The following ROBO2 variants were observed in gnomAD, a reference collection of about 807,000 sequenced individuals.
ROBO2 encodes the protein roundabout guidance receptor 2, also known as roundabout homolog 2.
ROBO2 carries 53 observed loss-of-function variants against 160.8 expected under a neutral mutation model. The observed-to-expected ratio is 0.33, with a 90% CI of 0.26 to 0.41. The LOEUF is 0.41. Ranked by LOEUF, ROBO2 falls within the 10% of genes least tolerant of loss-of-function variation. The pLI is 1.00. For missense variants in ROBO2, 1,577 were observed against 1,722.4 expected, an observed-to-expected ratio of 0.92 and a Z score of 1.49; for synonymous variants, 664 against 611.7, an observed-to-expected ratio of 1.09 and a Z score of -1.26.
At chr3:77,427,071 G>A (rs990917325) in intron 2 of ROBO2, among the ~76,000 whole-genome samples, 1 of 152,162 alleles carries the variant, frequency 6.6e-6, no homozygotes, top group East Asian at 1.9e-4. Context: ...TGGAAGGTGT[G>A]CCAGATTCCT....
intron 2 of ROBO2, among the ~76,000 whole-genome samples, chr3:76,842,760 A>G (rs2068409014): frequency 6.6e-6 from 1 of 152,168 alleles, no homozygotes; most frequent in Admixed American, 6.5e-5. Context: ...GAGTACTAAT[A>G]TTTTAAGATA....
intron 2 of ROBO2, among the ~76,000 whole-genome samples, chr3:75,981,228 A>C (rs1328936597): frequency 1.3e-5 from 2 of 151,534 alleles, no homozygotes; most frequent in Non-Finnish European, 3.0e-5. Flanking sequence ...AAATAATTAC[A>C]CAACCTTATA....
chr3:76,322,658 G>A (rs926875825), intron 2 of ROBO2, among the ~76,000 whole-genome samples: 16 of 152,056 alleles, frequency 1.1e-4, no homozygotes, highest in African/African-American at 2.4e-4. Flanking sequence ...AAGAAGCGGC[G>A]AAGTTACCGG....
intron 2 of ROBO2, among the ~76,000 whole-genome samples, chr3:77,293,658 A>G (rs62251165): frequency 0.069 from 6,518 of 95,116 alleles, 79 homozygotes; most frequent in African/African-American, 0.099. Context: ...GATCACCCAG[A>G]CATAAAGTAA....
At chr3:77,514,279 T>C (rs376194378) in intron 5 of ROBO2, among the ~76,000 whole-genome samples, 26 of 151,896 alleles carry the variant, frequency 1.7e-4, no homozygotes, top group Middle Eastern at 6.8e-3. Context: ...GATTGTTTAA[T>C]AGGAGAATAA....
At chr3:76,582,704 A>G (rs1444896733) in intron 2 of ROBO2, among the ~76,000 whole-genome samples, 1 of 152,174 alleles carries the variant, frequency 6.6e-6, no homozygotes, top group Non-Finnish European at 1.5e-5. Context: ...TTTTCTGCTT[A>G]TAATAATAGT....
intron 2 of ROBO2, among the ~76,000 whole-genome samples, chr3:77,189,354 A>C (rs2081596325): frequency 6.6e-6 from 1 of 151,904 alleles, no homozygotes; most frequent in Non-Finnish European, 1.5e-5. Context: ...TAAGATTTGT[A>C]ACACTCCCTC....
At chr3:76,841,700 G>A (rs2068282731) in intron 2 of ROBO2, among the ~76,000 whole-genome samples, 1 of 152,092 alleles carries the variant, frequency 6.6e-6, no homozygotes, top group African/African-American at 2.4e-5. Context: ...CCACCTAATT[G>A]AAAAAATATG....
intron 2 of ROBO2, among the ~76,000 whole-genome samples, chr3:76,456,883 C>A (rs535605432): frequency 6.6e-6 from 1 of 152,224 alleles, no homozygotes; most frequent in South Asian, 2.1e-4. Context: ...AGGCAGAAAC[C>A]CGTGATAAAC....
intron 9 of ROBO2, among the ~76,000 whole-genome samples, chr3:77,561,382 T>G (rs2093318108): frequency 6.6e-6 from 1 of 152,196 alleles, no homozygotes; most frequent in Admixed American, 6.5e-5. Context: ...ACTTTTCCTT[T>G]ACTCCTAAAT....
intron 2 of ROBO2, among the ~76,000 whole-genome samples, chr3:76,555,869 T>C (rs918105230): frequency 2.0e-5 from 3 of 151,900 alleles, no homozygotes; most frequent in East Asian, 1.9e-4. Flanking sequence ...GCACCTGAGG[T>C]CAAGAGTGTG....
intron 6 of ROBO2, among the ~76,000 whole-genome samples, chr3:77,537,879 A>G (rs1430530460): frequency 6.6e-6 from 1 of 152,130 alleles, no homozygotes; most frequent in African/African-American, 2.4e-5. Context: ...AGCAGGGTAA[A>G]GACCCTGCCC....
intron 2 of ROBO2, among the ~76,000 whole-genome samples, chr3:77,126,151 T>C (rs2075297119): frequency 6.6e-6 from 1 of 152,222 alleles, no homozygotes; most frequent in African/African-American, 2.4e-5. Flanking sequence ...CTAGGTTATT[T>C]GTGACAGACA....
chr3:77,319,146 T>C (rs1486130889), intron 2 of ROBO2, among the ~76,000 whole-genome samples: 1 of 152,186 alleles, frequency 6.6e-6, no homozygotes, highest in Non-Finnish European at 1.5e-5. Flanking sequence ...AATGGCTAAG[T>C]CCATTATGAG....
At chr3:77,356,502 T>C (rs1488368483) in intron 2 of ROBO2, among the ~76,000 whole-genome samples, 2 of 152,184 alleles carry the variant, frequency 1.3e-5, no homozygotes, top group Non-Finnish European at 2.9e-5. Flanking sequence ...GTTGGGTATG[T>C]AGACGAAAAG....
At chr3:76,436,181 C>CACACACACACACACACACACACACA (rs1559941598) in intron 2 of ROBO2, among the ~76,000 whole-genome samples, 18 of 151,346 alleles carry the variant, frequency 1.2e-4, no homozygotes, top group South Asian at 6.3e-4. Context: ...CACACACACA[C>CACACACACACACACACACACACACA]CATTTCTTTT....
intron 2 of ROBO2, among the ~76,000 whole-genome samples, chr3:76,298,444 G>A (rs1225558782): frequency 6.6e-6 from 1 of 152,116 alleles, no homozygotes; most frequent in Non-Finnish European, 1.5e-5. Flanking sequence ...GCCCCATTTT[G>A]AATTCAGGAT....
At chr3:76,799,515 A>C (rs998007672) in intron 2 of ROBO2, among the ~76,000 whole-genome samples, 21 of 151,912 alleles carry the variant, frequency 1.4e-4, no homozygotes, top group South Asian at 2.1e-4. Flanking sequence ...CAAAAAAAAA[A>C]CCCAGTAAAG....
chr3:77,540,590 G>A (rs1461006653), intron 6 of ROBO2, among the ~76,000 whole-genome samples: 1 of 152,046 alleles, frequency 6.6e-6, no homozygotes, highest in Admixed American at 6.5e-5. Flanking sequence ...GCGCGCAGGG[G>A]GAGGGAGAGC....
Sources: gnomAD v4.1 joint callset for allele counts (sites outside exome capture counted in the v4.1 genomes callset) on GRCh38, gnomAD v4.1.1 for gene constraint, MANE v1.5 for transcripts, NCBI Gene and HGNC (gene_info 2026-07-23, HGNC 2026-07-21) for gene names.